Variants in MROH9 observed in about 807,000 individuals in gnomAD.
The protein encoded by MROH9 is maestro heat like repeat family member 9.
MROH9 carries 92 observed loss-of-function variants against 98.2 expected under a neutral mutation model. That is an observed-to-expected ratio of 0.94 (90% CI 0.79 to 1.11). The LOEUF (loss-of-function observed/expected upper bound fraction) is 1.11. Among genes scored for constraint, MROH9 ranks in the 50% most tolerant of loss-of-function variants. MROH9 has a pLI of 0.00. For synonymous variants in MROH9, 397 were observed against 368.9 expected (o/e 1.08, Z -0.87); for missense variants, 1,057 against 1,014.8 (o/e 1.04, Z -0.57).
intron 15 of MROH9, among the ~76,000 whole-genome samples, chr1:171,005,179 C>A (rs1017022325): frequency 6.6e-6 from 1 of 152,122 alleles, no homozygotes; most frequent in African/African-American, 2.4e-5. Flanking sequence ...ATTCTTCCAC[C>A]TTAGCCTCCA....
chr1:171,049,680 CT>C (rs1205661451), intron 20 of MROH9, among the ~76,000 whole-genome samples: 1 of 151,226 alleles, frequency 6.6e-6, no homozygotes, highest in Admixed American at 6.6e-5. Flanking sequence ...TGAGTTTTTT[CT>C]TTTTTCTTTT....
chr1:171,062,123 T>C lies in MROH9; in HGVS notation c.2282-9T>C. The C allele has an allele frequency of 3.3e-6, 5 of 1,523,310 alleles. No individual in the cohort carries two copies. Among genetic ancestry groups the C allele is most frequent in the Non-Finnish European group, 2.7e-6 (3 of 1,124,210 alleles). 94.4% of individuals were successfully genotyped at this position (1,523,310 alleles called of 1,614,324 possible). On this transcript the variant is annotated splice_polypyrimidine_tract_variant and intron_variant, in intron 20 of 21. Coordinates refer to ENST00000367759, the MANE Select transcript of MROH9 (RefSeq NM_001163629.2). ...GTTGCAGTAACTTTAATTTTTATTA[T>C]GTGCATAGGATATTTGGCAAAATCA...
At chr1:170,982,355 TA>T (rs1188048197) in intron 8 of MROH9, among the ~76,000 whole-genome samples, 2 of 151,880 alleles carry the variant, frequency 1.3e-5, no homozygotes, top group Non-Finnish European at 2.9e-5. Flanking sequence ...CAAAAAAGAG[TA>T]TATATGGTAT....
chr1:170,944,874 G>C (rs1649263857), intron 1 of MROH9, among the ~76,000 whole-genome samples: 1 of 152,072 alleles, frequency 6.6e-6, no homozygotes, highest in African/African-American at 2.4e-5. Flanking sequence ...ACGGGATGAA[G>C]ATCTGAATAT....
rs1361070533 is a variant in MROH9 at position 170,971,815 on chromosome 1, A to T, written c.548A>T (p.Asp183Val). 6.2e-7 allele frequency: 1 copy of T among 1,614,004 alleles called. No individual in the cohort carries two copies. Among genetic ancestry groups the T allele is most frequent in the Non-Finnish European group, 8.5e-7 (1 of 1,179,930 alleles). The change falls in exon 8 of 22, where the codon GAT (aspartate) becomes GTT (valine). Residue 183 changes from aspartate to valine, a missense_variant. Transcript: ENST00000367759. ...AELSLLCSHE[D>V]PSIVKQASLG... Reference sequence around the variant, plus strand: ...CTGTCTCTTTTGTGTTCCCATGAAGATCCCTCGATTGTAAAACAAGCATCA... The same window carrying T: ...CTGTCTCTTTTGTGTTCCCATGAAGTTCCCTCGATTGTAAAACAAGCATCA...
At chr1:170,968,550 G>A (rs1320337954) in intron 7 of MROH9, among the ~76,000 whole-genome samples, 1 of 152,056 alleles carries the variant, frequency 6.6e-6, no homozygotes. Context: ...CCAAATAAAA[G>A]AGACCAACAA....
At chr1:170,945,902 A>G (rs1457256397) in intron 2 of MROH9, among the ~76,000 whole-genome samples, 1 of 152,076 alleles carries the variant, frequency 6.6e-6, no homozygotes, top group Non-Finnish European at 1.5e-5. Context: ...ATTTTAAACA[A>G]TTCTTGAGTC....
At chr1:171,013,722 C>T (rs1652236023) in intron 15 of MROH9, among the ~76,000 whole-genome samples, 1 of 152,080 alleles carries the variant, frequency 6.6e-6, no homozygotes, top group South Asian at 2.1e-4. Context: ...TCTCTATTTA[C>T]TAGTGCAGTG....
At chr1:170,975,257 AT>A (rs1291195842) in intron 8 of MROH9, among the ~76,000 whole-genome samples, 1 of 152,156 alleles carries the variant, frequency 6.6e-6, no homozygotes, top group African/African-American at 2.4e-5. Context: ...CATGAATTAA[AT>A]GTTAAAAGTT....
chr1:170,985,856 G>A (rs543160007), intron 9 of MROH9, among the ~76,000 whole-genome samples: 1 of 151,966 alleles, frequency 6.6e-6, no homozygotes, highest in South Asian at 2.1e-4. Flanking sequence ...CCTTAGTTCT[G>A]CCTTATGACC....
At chr1:171,006,767 T>C (rs924544802) in intron 15 of MROH9, among the ~76,000 whole-genome samples, 3 of 151,748 alleles carry the variant, frequency 2.0e-5, no homozygotes, top group Non-Finnish European at 2.9e-5. Flanking sequence ...AAAGTCTCAA[T>C]TGAATTATTC....
At chr1:171,008,451 C>A (rs1172452881) in intron 15 of MROH9, among the ~76,000 whole-genome samples, 2 of 152,142 alleles carry the variant, frequency 1.3e-5, no homozygotes, top group Non-Finnish European at 2.9e-5. Context: ...GATTTACATT[C>A]AATTGTAACA....
intron 12 of MROH9, 32 bp downstream of exon 12, chr1:170,992,361 A>G (rs1407639819): frequency 1.3e-6 from 2 of 1,594,888 alleles, no homozygotes; most frequent in Non-Finnish European, 1.7e-6. Flanking sequence ...TCTTCTTCTC[A>G]GTACTGTTTT....
intron 20 of MROH9, among the ~76,000 whole-genome samples, chr1:171,027,182 G>A (rs1291773807): frequency 1.3e-5 from 2 of 149,330 alleles, no homozygotes; most frequent in Admixed American, 1.3e-4. Context: ...CCTATTGACT[G>A]GCCCTCTAAG....
Position 170,953,118 on chromosome 1 carries a change from T to A in MROH9, c.73-5343T>A, listed in dbSNP as rs139238591. On this transcript the variant is annotated intron_variant, in intron 3 of 21. Coordinates refer to ENST00000367759, the MANE Select transcript of MROH9 (RefSeq NM_001163629.2). The stretch of plus-strand genomic sequence containing the variant: ...ATTTATAGATTAAGTTATGAATACT[T>A]CCTTAAACTATTGTCTTATCATTAG... Among the ~76,000 whole-genome samples, 993 of 152,262 alleles carry A rather than the reference T, an allele frequency of 6.5e-3. 8 individuals carry two copies. Among genetic ancestry groups the A allele is most frequent in the African/African-American group, 0.023 (946 of 41,572 alleles).
chr1:170,984,903 G>C (rs1318070085), intron 9 of MROH9, among the ~76,000 whole-genome samples: 1 of 152,150 alleles, frequency 6.6e-6, no homozygotes, highest in African/African-American at 2.4e-5. Flanking sequence ...ACAAGACCAA[G>C]AGGCCTATAG....
intron 1 of MROH9, among the ~76,000 whole-genome samples, chr1:170,944,819 T>C (rs912670745): frequency 7.9e-5 from 12 of 152,048 alleles, no homozygotes; most frequent in African/African-American, 2.9e-4. Flanking sequence ...CCACGTCTTA[T>C]ATCAATCCCT....
At chr1:171,031,432 T>C (rs564807927) in intron 20 of MROH9, among the ~76,000 whole-genome samples, 23 of 152,278 alleles carry the variant, frequency 1.5e-4, no homozygotes, top group African/African-American at 4.8e-4. Context: ...GTGCTTTTTT[T>C]CCATGTTTAG....
intron 15 of MROH9, 178 bp downstream of exon 15, chr1:170,998,452 G>A (rs1368846768): frequency 1.3e-6 from 2 of 1,558,372 alleles, no homozygotes; most frequent in South Asian, 2.5e-5. Context: ...CTGGGTTATG[G>A]AAGAGTTGTC....
Sources: allele counts gnomAD v4.1 joint callset (sites outside exome capture counted in the v4.1 genomes callset), GRCh38; gene constraint gnomAD v4.1.1; transcripts MANE v1.5; gene names NCBI Gene and HGNC (gene_info 2026-07-23, HGNC 2026-07-21).